YIPF4: variants seen among roughly 807,000 people sequenced by gnomAD.
YIPF4 encodes protein YIPF4.
Under a neutral mutation model 29.4 loss-of-function variants are expected in YIPF4, and 18 were observed. That is an observed-to-expected ratio of 0.61 (90% CI 0.42 to 0.91). The LOEUF is 0.91. YIPF4 is among the 40% of genes least tolerant of loss of function. The pLI is 0.00. For missense variants in YIPF4, 279 were observed against 282.7 expected (o/e 0.99, Z 0.09); for synonymous variants, 115 against 104.7 (o/e 1.10, Z -0.60).
intron 1 of YIPF4, among the ~76,000 whole-genome samples, chr2:32,283,281 G>T (rs1482225463): frequency 6.6e-6 from 1 of 151,776 alleles, no homozygotes; most frequent in Non-Finnish European, 1.5e-5. Context: ...CTTTTCCCTG[G>T]TTTCTACACG....
chr2:32,279,237 C>T (rs2030265318), intron 1 of YIPF4, among the ~76,000 whole-genome samples: 1 of 152,032 alleles, frequency 6.6e-6, no homozygotes, highest in Non-Finnish European at 1.5e-5. Flanking sequence ...TCCCAAAGTG[C>T]TGGGATTACC....
chr2:32,278,275 C>A, intron 1 of YIPF4, 41 bp downstream of exon 1: 1 of 1,520,570 alleles, frequency 6.6e-7, no homozygotes, highest in Admixed American at 2.1e-5. Flanking sequence ...CCGGAGGAAG[C>A]CAGGGCCCGA....
At chr2:32,279,260 C>T (rs994313206) in intron 1 of YIPF4, among the ~76,000 whole-genome samples, 2 of 151,974 alleles carry the variant, frequency 1.3e-5, no homozygotes, top group Admixed American at 6.6e-5. Flanking sequence ...CGTGAGCCAC[C>T]GCGCCCCGGC....
At chr2:32,296,236 C>T (rs952788431) in intron 3 of YIPF4, among the ~76,000 whole-genome samples, 5 of 151,920 alleles carry the variant, frequency 3.3e-5, no homozygotes, top group Non-Finnish European at 5.9e-5. Context: ...GCCTACAGAC[C>T]GAGGCGGGTG....
rs1242870560 is a variant in YIPF4 at position 32,306,742 on chromosome 2, T to C, written c.*1116T>C. ...TTTTAGATACACCTGTAGTTAATAT[T>C]ACTTTGTAAAGTAGGTAAATCATTT... On this transcript the variant is annotated 3_prime_UTR_variant, in exon 6 of 6. Coordinates refer to ENST00000238831, the MANE Select transcript of YIPF4 (RefSeq NM_032312.4). 3.3e-6 allele frequency: 1 copy of C among 300,968 alleles called. No homozygotes were observed. Among genetic ancestry groups the C allele is most frequent in the Non-Finnish European group, 4.9e-6 (1 of 204,082 alleles). 18.6% of individuals were successfully genotyped at this position (300,968 alleles called of 1,614,324 possible).
intron 2 of YIPF4, chr2:32,291,025 A>G (rs957776359): frequency 6.6e-6 from 1 of 152,522 alleles, no homozygotes; most frequent in African/African-American, 2.4e-5. Flanking sequence ...TAGAAATTCT[A>G]GAGCTGCCAC....
intron 1 of YIPF4, among the ~76,000 whole-genome samples, chr2:32,289,552 C>T (rs1217407821): frequency 6.6e-6 from 1 of 152,134 alleles, no homozygotes; most frequent in Non-Finnish European, 1.5e-5. Context: ...CTTGCACTGA[C>T]AGTATTGATG....
Position 32,306,958 on chromosome 2 carries a change from G to GCT in YIPF4, c.*1332_*1333insCT. 1 of 420,546 alleles carries GCT rather than the reference G, an allele frequency of 2.4e-6. No individual in the cohort carries two copies. Among genetic ancestry groups the GCT allele is most frequent in the Non-Finnish European group, 4.1e-6 (1 of 241,934 alleles). 26.1% of individuals were successfully genotyped at this position (420,546 alleles called of 1,614,324 possible). On this transcript the variant is annotated 3_prime_UTR_variant, in exon 6 of 6. Transcript: ENST00000238831. ...ACCTCTGAAGCAAACCTACAAATGAGTGTGTTATCAAGCCCAGCCGTCTTC... is the reference window on the plus strand; with the variant it reads ...ACCTCTGAAGCAAACCTACAAATGAGCTTGTGTTATCAAGCCCAGCCGTCTTC...
chr2:32,296,936 A>C (rs2031209977), intron 3 of YIPF4, among the ~76,000 whole-genome samples: 1 of 152,158 alleles, frequency 6.6e-6, no homozygotes, highest in African/African-American at 2.4e-5. Flanking sequence ...ATAATCCAGT[A>C]CTGTCATAAT....
intron 1 of YIPF4, among the ~76,000 whole-genome samples, chr2:32,285,084 G>GACAGGA (rs763903226): frequency 3.3e-5 from 5 of 152,164 alleles, no homozygotes; most frequent in Non-Finnish European, 5.9e-5. Flanking sequence ...TAATCATGCA[G>GACAGGA]ACAGGAGTTG....
In YIPF4 at chr2:32,293,713, CG is replaced by C. The variant is rs1284817752; in HGVS notation, c.405+1371del. 2.0e-5 allele frequency among the ~76,000 whole-genome samples: 3 copies of C among 151,174 alleles called. No individual in the cohort carries two copies. The East Asian group carries it at 5.9e-4, about 30-fold the overall frequency. ...CTCCCGGAAGGGGCGGCTGGCCGGG[CG>C]GGGGGCTGACCCCCCAACCTCCCGG... On this transcript the variant is annotated intron_variant, in intron 3 of 5. Coordinates refer to ENST00000238831, the MANE Select transcript of YIPF4 (RefSeq NM_032312.4).
intron 1 of YIPF4, among the ~76,000 whole-genome samples, chr2:32,280,478 C>A (rs555813378): frequency 6.6e-6 from 1 of 151,156 alleles, no homozygotes; most frequent in Non-Finnish European, 1.5e-5. Flanking sequence ...CTCCCGGGTT[C>A]ACGCCATTCT....
In YIPF4 at chr2:32,287,711, G is replaced by A. The variant is rs1031675375; in HGVS notation, c.80-2772G>A. Among the ~76,000 whole-genome samples, 6 of 152,164 alleles carry A rather than the reference G, an allele frequency of 3.9e-5. No homozygotes were observed. In the South Asian group the frequency reaches 6.2e-4, roughly 16 times the overall value. On this transcript the variant is annotated intron_variant, in intron 1 of 5. Transcript: ENST00000238831. ...AAAAATTCCTGTTAAATTTTGTTGT[G>A]TGGGTTTTCCAAAGGTGGCTTTCAG...
chr2:32,288,442 C>T (rs992544536), intron 1 of YIPF4, among the ~76,000 whole-genome samples: 7 of 152,134 alleles, frequency 4.6e-5, no homozygotes, highest in African/African-American at 1.4e-4. Context: ...CCTTTCCAGC[C>T]TCATAACTGC....
At position 32,305,846 on chromosome 2, in the gene YIPF4, C is replaced by G; in HGVS notation, c.*220C>G. 8.5e-7 allele frequency: 1 copy of G among 1,172,106 alleles called. No individual in the cohort carries two copies. Among genetic ancestry groups the G allele is most frequent in the South Asian group, 3.9e-5 (1 of 25,858 alleles). The allele number at this position is 1,172,106 out of a possible 1,614,324, so 72.6% of individuals were successfully genotyped here. On this transcript the variant is annotated 3_prime_UTR_variant, in exon 6 of 6. Coordinates refer to ENST00000238831, the MANE Select transcript of YIPF4 (RefSeq NM_032312.4). Reference sequence around the variant, plus strand: ...TCAGAATTTTAAATTCTGTTTGATTCTCCATATTCCAGTGAATAAAATACA... The same window carrying G: ...TCAGAATTTTAAATTCTGTTTGATTGTCCATATTCCAGTGAATAAAATACA...
At chr2:32,291,526 A>G (rs1179894937) in intron 2 of YIPF4, among the ~76,000 whole-genome samples, 1 of 152,164 alleles carries the variant, frequency 6.6e-6, no homozygotes, top group Non-Finnish European at 1.5e-5. Context: ...CCTGGGTGAA[A>G]AAGCAAGACT....
chr2:32,278,111 C>G lies in YIPF4; in HGVS notation c.-45C>G, dbSNP rs1206326560. ...CCGCGGCCGCCTCGGGGTCTGGGCCCAGCCGCAGCCTCTTCTACCGCGGCC... is the reference window on the plus strand; with the variant it reads ...CCGCGGCCGCCTCGGGGTCTGGGCCGAGCCGCAGCCTCTTCTACCGCGGCC... On this transcript the variant is annotated 5_prime_UTR_variant, in exon 1 of 6. Coordinates refer to ENST00000238831, the MANE Select transcript of YIPF4 (RefSeq NM_032312.4). 49 of 1,527,500 alleles carry G rather than the reference C, an allele frequency of 3.2e-5. No individual in the cohort carries two copies. Among genetic ancestry groups the G allele is most frequent in the Non-Finnish European group, 4.1e-5 (46 of 1,134,346 alleles). 94.6% of individuals were successfully genotyped at this position (1,527,500 alleles called of 1,614,324 possible).
intron 1 of YIPF4, among the ~76,000 whole-genome samples, chr2:32,278,799 T>C (rs2030236650): frequency 6.6e-6 from 1 of 152,164 alleles, no homozygotes; most frequent in Non-Finnish European, 1.5e-5. Flanking sequence ...GACGCAGGTA[T>C]ATTGGAAGTT....
intron 5 of YIPF4, among the ~76,000 whole-genome samples, chr2:32,304,603 T>C (rs2031515411): frequency 6.6e-6 from 1 of 152,208 alleles, no homozygotes; most frequent in African/African-American, 2.4e-5. Context: ...TAGTATATAG[T>C]GTGTAGAGAG....
Sources: gnomAD v4.1 joint callset for allele counts (sites outside exome capture counted in the v4.1 genomes callset) on GRCh38, gnomAD v4.1.1 for gene constraint, MANE v1.5 for transcripts, NCBI Gene and HGNC (gene_info 2026-07-23, HGNC 2026-07-21) for gene names.